The following FMN2 variants were observed in gnomAD, a reference collection of about 807,000 sequenced individuals.
FMN2 encodes the protein formin 2.
In FMN2, 51 loss-of-function variants were observed where a neutral mutation model predicts 142.3. The ratio of observed to expected loss-of-function variants is 0.36; its 90% CI spans 0.29 to 0.45. The LOEUF is 0.45. Ranked by LOEUF, FMN2 falls within the 20% of genes least tolerant of loss-of-function variation. The pLI is 1.00. For missense variants in FMN2, 1,936 were observed against 2,122.8 expected (o/e 0.91, Z 1.73); for synonymous variants, 882 against 869.8 (o/e 1.01, Z -0.25).
Position 240,092,227 on chromosome 1 carries a change from G to A in FMN2, c.118G>A (p.Gly40Arg). The A allele has an allele frequency of 6.3e-7, 1 of 1,578,256 alleles. No homozygotes were observed. Among genetic ancestry groups the A allele is most frequent in the Non-Finnish European group, 8.6e-7 (1 of 1,162,814 alleles). The change falls in exon 1 of 18, where the codon GGG (glycine) becomes AGG (arginine). Residue 40 changes from glycine (G) to arginine (R), a missense_variant. Coordinates refer to ENST00000319653, the MANE Select transcript of FMN2 (RefSeq NM_020066.5). ...TGTGGAAGCCACAAAGAAGGGGAGC[G>A]GGGGCAAGAAGGCGCTAGGCAAGCA... ...RDVEATKKGS[G>R]GKKALGKHGK...
chr1:240,363,742 C>A (rs927989630), intron 14 of FMN2, among the ~76,000 whole-genome samples: 4 of 152,170 alleles, frequency 2.6e-5, no homozygotes, highest in African/African-American at 9.7e-5. Flanking sequence ...TCTCCCCTCC[C>A]TTTATACTAG....
intron 15 of FMN2, among the ~76,000 whole-genome samples, chr1:240,421,616 G>GT (rs771969980): frequency 1.5e-4 from 23 of 152,084 alleles, no homozygotes; most frequent in Non-Finnish European, 3.1e-4. Flanking sequence ...TATTTGTTTT[G>GT]TGGGGGGTGT....
chr1:240,254,124 C>G (rs1668369722), intron 6 of FMN2, among the ~76,000 whole-genome samples: 1 of 152,096 alleles, frequency 6.6e-6, no homozygotes, highest in Non-Finnish European at 1.5e-5. Flanking sequence ...AAGAAGTGGG[C>G]TGGGTGGCTG....
At chr1:240,294,739 G>A (rs1003326628) in intron 7 of FMN2, 83 bp from the exon 8 acceptor site, 36 of 1,256,462 alleles carry the variant, frequency 2.9e-5, no homozygotes, top group Non-Finnish European at 4.1e-5. Flanking sequence ...TGGCTGCTGA[G>A]CCGTGAGCCT....
In FMN2 at chr1:240,474,165, G is replaced by A; in HGVS notation, c.*11G>A. 6.5e-7 allele frequency: 1 copy of A among 1,548,448 alleles called. No homozygotes were observed. Among genetic ancestry groups the A allele is most frequent in the Non-Finnish European group, 8.6e-7 (1 of 1,156,278 alleles). On this transcript the variant is annotated 3_prime_UTR_variant, in exon 18 of 18. Coordinates refer to ENST00000319653, the MANE Select transcript of FMN2 (RefSeq NM_020066.5). ...AGCATGAAAACTTGAACAATGAAAA[G>A]CAGAATGAAAATGAGTCATTGCAAC...
chr1:240,184,260 T>TG (rs1665283272), intron 3 of FMN2, among the ~76,000 whole-genome samples: 1 of 143,858 alleles, frequency 7.0e-6, no homozygotes. Flanking sequence ...TTTTTTTTTT[T>TG]GAGACTTGCT....
intron 2 of FMN2, among the ~76,000 whole-genome samples, chr1:240,139,334 C>T (rs1314615226): frequency 4.5e-5 from 2 of 44,118 alleles, no homozygotes; most frequent in African/African-American, 2.4e-4. Flanking sequence ...TAAAATCCTA[C>T]TGAATTTGAG....
rs146361313 is a variant in FMN2, at chr1:240,165,863, C to T, written c.1783-12058C>T. On this transcript the variant is annotated intron_variant, in intron 2 of 17. Transcript: ENST00000319653. ...GTGTGATGGAATTTTAGATTCTAACCCCAAGTGAGAGGTGTTGGTAGGGCC... is the reference window on the plus strand; with the variant it reads ...GTGTGATGGAATTTTAGATTCTAACTCCAAGTGAGAGGTGTTGGTAGGGCC... Among the ~76,000 whole-genome samples the T allele has an allele frequency of 2.0e-5, 3 of 151,948 alleles. No homozygotes were observed. In the East Asian group the frequency reaches 5.8e-4, roughly 30 times the overall value.
intron 7 of FMN2, among the ~76,000 whole-genome samples, chr1:240,288,035 CAAAG>C (rs1669651002): frequency 6.6e-6 from 1 of 152,184 alleles, no homozygotes; most frequent in African/African-American, 2.4e-5. Flanking sequence ...AGAGTGATCT[CAAAG>C]AAAGGTCAGT....
intron 16 of FMN2, among the ~76,000 whole-genome samples, chr1:240,448,219 G>A (rs1450552825): frequency 6.6e-6 from 1 of 152,106 alleles, no homozygotes; most frequent in Non-Finnish European, 1.5e-5. Flanking sequence ...AATCAAAAAA[G>A]ACCATCATCA....
chr1:240,147,425 G>C (rs1663535146), intron 2 of FMN2, among the ~76,000 whole-genome samples: 1 of 152,026 alleles, frequency 6.6e-6, no homozygotes, highest in Non-Finnish European at 1.5e-5. Context: ...GGTCTCAAGT[G>C]GTAGTCCCCT....
chr1:240,404,331 C>T (rs542503204), intron 15 of FMN2, among the ~76,000 whole-genome samples: 3 of 152,228 alleles, frequency 2.0e-5, no homozygotes, highest in African/African-American at 7.2e-5. Context: ...GCATATTTTC[C>T]AGAATCTTTC....
At chr1:240,414,538 G>A (rs1674515465) in intron 15 of FMN2, among the ~76,000 whole-genome samples, 1 of 152,192 alleles carries the variant, frequency 6.6e-6, no homozygotes, top group Admixed American at 6.5e-5. Flanking sequence ...TTGTAGGGAT[G>A]TTTTGCTGCT....
intron 13 of FMN2, among the ~76,000 whole-genome samples, chr1:240,351,362 C>T (rs1442142452): frequency 6.6e-6 from 1 of 152,110 alleles, no homozygotes; most frequent in Non-Finnish European, 1.5e-5. Context: ...AACACCCAGA[C>T]ACTGGACAGG....
rs80235673 is a variant in FMN2 at position 240,204,050 on chromosome 1, C to T, written c.1987-2749C>T. On this transcript the variant is annotated intron_variant, in intron 4 of 17. Coordinates refer to ENST00000319653, the MANE Select transcript of FMN2 (RefSeq NM_020066.5). Reference sequence around the variant, plus strand: ...GAATAACATATAAATTCTCAAAAATCTTGCCTATGAAAGTGTGTTACATTC... The same window carrying T: ...GAATAACATATAAATTCTCAAAAATTTTGCCTATGAAAGTGTGTTACATTC... 8.8e-3 allele frequency among the ~76,000 whole-genome samples: 1,333 copies of T among 152,082 alleles called. 46 individuals are homozygous for T. Among genetic ancestry groups the T allele is most frequent in the Admixed American group, 0.066 (1,003 of 15,268 alleles).
chr1:240,224,385 A>G (rs1370999505), intron 6 of FMN2, among the ~76,000 whole-genome samples: 1 of 152,052 alleles, frequency 6.6e-6, no homozygotes, highest in African/African-American at 2.4e-5. Context: ...GCATTTGCTG[A>G]GGAGTGTTTT....
chr1:240,247,835 A>T (rs1425795552), intron 6 of FMN2, among the ~76,000 whole-genome samples: 2 of 152,178 alleles, frequency 1.3e-5, no homozygotes, highest in Admixed American at 6.5e-5. Context: ...ATATTTATAC[A>T]TATTTATGAT....
intron 2 of FMN2, among the ~76,000 whole-genome samples, chr1:240,127,667 C>G (rs959094438): frequency 1.3e-5 from 2 of 152,036 alleles, no homozygotes; most frequent in Admixed American, 6.6e-5. Flanking sequence ...TTGTTATAGA[C>G]AGGGTCTCAC....
At chr1:240,316,471 G>T (rs958363833) in intron 8 of FMN2, among the ~76,000 whole-genome samples, 2 of 152,164 alleles carry the variant, frequency 1.3e-5, no homozygotes, top group African/African-American at 4.8e-5. Context: ...GAGGGGCAGG[G>T]ATTGAGACTG....
Sources: allele counts gnomAD v4.1 joint callset (sites outside exome capture counted in the v4.1 genomes callset), GRCh38; gene constraint gnomAD v4.1.1; transcripts MANE v1.5; gene names NCBI Gene and HGNC (gene_info 2026-07-23, HGNC 2026-07-21).